The following CRYZL1 variants were observed in gnomAD, a reference collection of about 807,000 sequenced individuals.
The protein encoded by CRYZL1 is crystallin zeta like 1.
Under a neutral mutation model 50.6 loss-of-function variants are expected in CRYZL1, and 34 were observed. The ratio of observed to expected loss-of-function variants is 0.67; its 90% confidence interval spans 0.51 to 0.89. The LOEUF (loss-of-function observed/expected upper bound fraction) is 0.89, where lower values mean the gene tolerates loss of function less well. CRYZL1 is among the 40% of genes least tolerant of loss of function. CRYZL1 has a pLI of 0.00. For synonymous variants in CRYZL1, 125 were observed against 134.3 expected, an observed-to-expected ratio of 0.93 and a Z score of 0.48; for missense variants, 354 against 402.3, an observed-to-expected ratio of 0.88 and a Z score of 1.03.
intron 6 of CRYZL1, among the ~76,000 whole-genome samples, chr21:33,605,803 T>C (rs1287154652): frequency 6.6e-6 from 1 of 151,986 alleles, no homozygotes; most frequent in Non-Finnish European, 1.5e-5. Context: ...GGATTACAGG[T>C]GTAAGCCACC....
rs182010206 is a variant in CRYZL1 at position 33,594,234 on chromosome 21, A to G, written c.904+1497T>C. ...AGTGGCGCGATCTCAGCTCACTGCA[A>G]CCTTCACTGCCTGGGTTCAAGCAAT... On this transcript the variant is annotated intron_variant, in intron 11 of 12. Transcript: ENST00000381554. Among the ~76,000 whole-genome samples the G allele has an allele frequency of 5.5e-3, 835 of 150,932 alleles. 10 individuals are homozygous for G. Among genetic ancestry groups the G allele is most frequent in the African/African-American group, 0.02 (805 of 41,148 alleles).
At chr21:33,599,357 G>A (rs2086727735) in intron 8 of CRYZL1, 109 bp from the exon 9 acceptor site, 4 of 1,406,700 alleles carry the variant, frequency 2.8e-6, no homozygotes, top group Non-Finnish European at 3.9e-6. Context: ...CTTGAAATGA[G>A]TTAAGCAATT....
intron 1 of CRYZL1, chr21:33,641,434 G>T (rs935751885): frequency 1.7e-6 from 2 of 1,188,502 alleles, no homozygotes; most frequent in Non-Finnish European, 2.3e-6. Flanking sequence ...AAAGTAGAGG[G>T]AGATGCAAAC....
intron 6 of CRYZL1, among the ~76,000 whole-genome samples, chr21:33,604,087 G>A (rs2086784833): frequency 6.6e-6 from 1 of 151,932 alleles, no homozygotes; most frequent in Admixed American, 6.6e-5. Context: ...CCCGTCTCTG[G>A]CCGGGCGTGG....
intron 8 of CRYZL1, among the ~76,000 whole-genome samples, chr21:33,600,049 C>T (rs1174521586): frequency 6.6e-6 from 1 of 152,022 alleles, no homozygotes; most frequent in Non-Finnish European, 1.5e-5. Flanking sequence ...ATATACCCAC[C>T]GTAAGTCAAA....
chr21:33,600,112 C>T (rs1017850888), intron 8 of CRYZL1, among the ~76,000 whole-genome samples: 4 of 152,070 alleles, frequency 2.6e-5, no homozygotes, highest in Non-Finnish European at 4.4e-5. Flanking sequence ...AATCCTAAAT[C>T]GAAACACTGT....
At chr21:33,632,624 C>T (rs111868928) in intron 1 of CRYZL1, among the ~76,000 whole-genome samples, 4 of 152,004 alleles carry the variant, frequency 2.6e-5, no homozygotes, top group South Asian at 2.1e-4. Context: ...GTGATCCACC[C>T]GCCTCGGCCT....
chr21:33,622,312 A>G (rs573939005), intron 3 of CRYZL1, among the ~76,000 whole-genome samples: 51 of 152,370 alleles, frequency 3.3e-4, no homozygotes, highest in African/African-American at 1.2e-3. Flanking sequence ...TCAAATTACC[A>G]TTAACATCCT....
intron 2 of CRYZL1, among the ~76,000 whole-genome samples, chr21:33,625,764 A>G (rs1280909425): frequency 6.6e-6 from 1 of 152,020 alleles, no homozygotes; most frequent in African/African-American, 2.4e-5. Context: ...GATTAAAAGC[A>G]TAAGACATAG....
At chr21:33,635,207 AAAAC>A (rs1347224036) in intron 1 of CRYZL1, among the ~76,000 whole-genome samples, 2 of 152,080 alleles carry the variant, frequency 1.3e-5, no homozygotes, top group African/African-American at 4.8e-5. Flanking sequence ...CAGATTAAAT[AAAAC>A]AGTCTATTAC....
intron 2 of CRYZL1, among the ~76,000 whole-genome samples, chr21:33,628,320 T>C (rs1318810212): frequency 6.6e-6 from 1 of 152,196 alleles, no homozygotes; most frequent in Non-Finnish European, 1.5e-5. Flanking sequence ...CCATATGATT[T>C]TTAGGATTAT....
At chr21:33,618,016 G>A (rs1371266971) in intron 4 of CRYZL1, among the ~76,000 whole-genome samples, 2 of 152,210 alleles carry the variant, frequency 1.3e-5, no homozygotes, top group African/African-American at 4.8e-5. Flanking sequence ...ATGGCCGGGC[G>A]CGGTGGCTCA....
rs762420783 is a variant in CRYZL1 at position 33,589,794 on chromosome 21, T to A, written c.*28A>T. On this transcript the variant is annotated 3_prime_UTR_variant, in exon 13 of 13. Transcript: ENST00000381554. ...GGCTTCAAATACTGGAATATGTTCA[T>A]CCGACTGAGGTCTGAGAAAGAAGAA... is the stretch of plus-strand genomic sequence containing the variant. 9 of 1,383,134 alleles carry A rather than the reference T, an allele frequency of 6.5e-6. No homozygotes were observed. Among genetic ancestry groups the A allele is most frequent in the Middle Eastern group, 1.8e-4 (1 of 5,652 alleles). The allele number at this position is 1,383,134 out of a possible 1,614,324, so 85.7% of individuals were successfully genotyped here. A position where few individuals can be genotyped will look rare whatever the true frequency, so the allele number is the denominator to read the frequency against.
chr21:33,600,952 TTG>T (rs1343451020), intron 8 of CRYZL1, among the ~76,000 whole-genome samples: 2 of 136,526 alleles, frequency 1.5e-5, no homozygotes, highest in African/African-American at 2.8e-5. Flanking sequence ...TTTTTTTTTT[TTG>T]GGGGCGGACT....
At chr21:33,626,117 CT>C (rs1168735581) in intron 2 of CRYZL1, among the ~76,000 whole-genome samples, 9 of 151,734 alleles carry the variant, frequency 5.9e-5, no homozygotes, top group Non-Finnish European at 1.2e-4. Context: ...CTATGCCTGG[CT>C]AATTTTTTTT....
intron 6 of CRYZL1, among the ~76,000 whole-genome samples, chr21:33,610,175 T>C (rs1244702900): frequency 6.6e-6 from 1 of 151,848 alleles, no homozygotes; most frequent in African/African-American, 2.4e-5. Flanking sequence ...TATGCTATTT[T>C]ATTTTTTTGA....
rs568246994 is a variant in CRYZL1, at chr21:33,604,107, C to T, written c.332-570G>A. ...CTCTGGCCGGGCGTGGTGGCTCACG[C>T]TTGTAATCCTAGCACTTTGGGAGGC... On this transcript the variant is annotated intron_variant, in intron 6 of 12. Transcript: ENST00000381554. Among the ~76,000 whole-genome samples, 6 of 152,264 alleles carry T rather than the reference C, an allele frequency of 3.9e-5. No individual in the cohort carries two copies. The East Asian group carries it at 1.2e-3, about 29-fold the overall frequency.
chr21:33,640,144 C>A, intron 1 of CRYZL1: 3 of 1,547,662 alleles, frequency 1.9e-6, no homozygotes, highest in East Asian at 2.5e-5. Flanking sequence ...TATTTTTGCT[C>A]TTCTGCTCAT....
chr21:33,609,817 C>T (rs573353894), intron 6 of CRYZL1, among the ~76,000 whole-genome samples: 1 of 151,942 alleles, frequency 6.6e-6, no homozygotes, highest in Non-Finnish European at 1.5e-5. Context: ...ATTCTCCTGC[C>T]TCAGCCTCCT....
Sources: gnomAD v4.1 joint callset for allele counts (sites outside exome capture counted in the v4.1 genomes callset) on GRCh38, gnomAD v4.1.1 for gene constraint, MANE v1.5 for transcripts, NCBI Gene and HGNC (gene_info 2026-07-23, HGNC 2026-07-21) for gene names.